Variants in STAP1 observed in about 807,000 individuals in gnomAD.
The protein encoded by STAP1 is signal-transducing adaptor protein 1.
In STAP1, 30 loss-of-function variants were observed where a neutral mutation model predicts 37.8. That is an observed-to-expected ratio of 0.79 (90% CI 0.59 to 1.08). The LOEUF is 1.08. Among genes scored for constraint, STAP1 ranks in the 50% least tolerant of loss-of-function variants. The probability of loss-of-function intolerance (pLI) is 0.00; values close to 1 mark genes in which losing one functional copy is unlikely to be tolerated. For synonymous variants in STAP1, 130 were observed against 116.0 expected (o/e 1.12, Z -0.78); for missense variants, 357 against 349.4 (o/e 1.02, Z -0.17).
Position 67,607,065 on chromosome 4 carries a change from CAAAAT to C in STAP1, c.*711_*715del, listed in dbSNP as rs1332371538. ...CAGCCCCAGACTGCATCTACTGAAT[CAAAAT>C]AACAGGGATATTTTTTCATAATTTT... On this transcript the variant is annotated 3_prime_UTR_variant, in exon 9 of 9. Transcript: ENST00000265404. The C allele has an allele frequency of 6.6e-6, 1 of 152,100 alleles. No homozygotes were observed. Among genetic ancestry groups the C allele is most frequent in the Non-Finnish European group, 1.5e-5 (1 of 68,010 alleles). 9.4% of individuals were successfully genotyped at this position (152,100 alleles called of 1,614,324 possible).
chr4:67,577,288 CTTT>C, intron 4 of STAP1, 29 bp downstream of exon 4: 2 of 1,256,150 alleles, frequency 1.6e-6, no homozygotes, highest in South Asian at 1.6e-5. Context: ...TTGATTGATT[CTTT>C]TTTTTTTTCA....
chr4:67,579,256 T>TG (rs1380581594), intron 4 of STAP1, among the ~76,000 whole-genome samples: 3 of 152,202 alleles, frequency 2.0e-5, no homozygotes, highest in Non-Finnish European at 2.9e-5. Context: ...ATTTACAGTA[T>TG]GTTGTTATTA....
At chr4:67,570,847 T>A (rs1429680111) in intron 1 of STAP1, among the ~76,000 whole-genome samples, 1 of 151,966 alleles carries the variant, frequency 6.6e-6, no homozygotes, top group Admixed American at 6.6e-5. Context: ...GGCAGAAGAA[T>A]TGCTTGAGCC....
intron 1 of STAP1, among the ~76,000 whole-genome samples, chr4:67,561,299 A>G (rs1727332615): frequency 1.3e-5 from 2 of 152,230 alleles, no homozygotes; most frequent in Admixed American, 1.3e-4. Flanking sequence ...AGCCAAAGGT[A>G]TATAGCCAAG....
chr4:67,569,825 G>T (rs1727559125), intron 1 of STAP1, among the ~76,000 whole-genome samples: 1 of 152,140 alleles, frequency 6.6e-6, no homozygotes, highest in Admixed American at 6.5e-5. Flanking sequence ...TGCCTCCTGG[G>T]TTCAGGTGAT....
chr4:67,602,942 A>G (rs537043472), intron 8 of STAP1, among the ~76,000 whole-genome samples: 1 of 152,110 alleles, frequency 6.6e-6, no homozygotes, highest in Admixed American at 6.5e-5. Flanking sequence ...TGGCTAATCC[A>G]GCCAAGCTTG....
At chr4:67,599,475 A>G (rs1320424394) in intron 8 of STAP1, among the ~76,000 whole-genome samples, 2 of 151,846 alleles carry the variant, frequency 1.3e-5, no homozygotes, top group Admixed American at 6.6e-5. Flanking sequence ...TTTCTTCTCA[A>G]TTTTCCAATT....
At chr4:67,573,628 T>C (rs2109859667) in intron 2 of STAP1, among the ~76,000 whole-genome samples, 1 of 152,284 alleles carries the variant, frequency 6.6e-6, no homozygotes, top group Admixed American at 6.5e-5. Flanking sequence ...ATTTTTAAAA[T>C]TGACATATAA....
chr4:67,561,544 T>A (rs1240410602), intron 1 of STAP1, among the ~76,000 whole-genome samples: 2 of 152,196 alleles, frequency 1.3e-5, no homozygotes, highest in Non-Finnish European at 2.9e-5. Flanking sequence ...CCATTTTGCA[T>A]GCAATTCTAG....
chr4:67,569,529 C>T (rs1727551284), intron 1 of STAP1, among the ~76,000 whole-genome samples: 1 of 152,072 alleles, frequency 6.6e-6, no homozygotes, highest in African/African-American at 2.4e-5. Context: ...AAAACAAAAA[C>T]ACATTGTACA....
chr4:67,570,985 T>C, intron 1 of STAP1, 99 bp from the exon 2 acceptor site: 1 of 938,700 alleles, frequency 1.1e-6, no homozygotes. Context: ...AGACTTCTTA[T>C]ATCACACAAG....
At chr4:67,598,665 C>T (rs28811588) in intron 8 of STAP1, among the ~76,000 whole-genome samples, 19,932 of 152,108 alleles carry the variant, frequency 0.13, 2,497 homozygotes, top group African/African-American at 0.33. Context: ...ACTCCTTATA[C>T]ATCTGGTTAT....
intron 4 of STAP1, among the ~76,000 whole-genome samples, chr4:67,579,715 A>G (rs1399540466): frequency 6.6e-6 from 1 of 152,112 alleles, no homozygotes; most frequent in African/African-American, 2.4e-5. Context: ...TTCACCCACT[A>G]ACATGAGAAA....
chr4:67,564,248 G>C (rs960542155), intron 1 of STAP1, among the ~76,000 whole-genome samples: 8 of 152,120 alleles, frequency 5.3e-5, no homozygotes, highest in Admixed American at 3.9e-4. Context: ...GGCTGCCTTT[G>C]CTTTCAACTT....
chr4:67,565,520 A>G (rs979597942), intron 1 of STAP1, among the ~76,000 whole-genome samples: 2 of 152,256 alleles, frequency 1.3e-5, no homozygotes, highest in African/African-American at 4.8e-5. Flanking sequence ...CTAATAAAAA[A>G]TGCAAAGTTC....
At chr4:67,576,986 T>C (rs761641387) in intron 3 of STAP1, among the ~76,000 whole-genome samples, 4 of 152,242 alleles carry the variant, frequency 2.6e-5, no homozygotes, top group Non-Finnish European at 5.9e-5. Context: ...AATTTGTACA[T>C]GTTCATTTGT....
At chr4:67,605,744 CTT>C (rs1432200653) in intron 8 of STAP1, among the ~76,000 whole-genome samples, 8 of 152,064 alleles carry the variant, frequency 5.3e-5, no homozygotes, top group Non-Finnish European at 8.8e-5. Flanking sequence ...TTTAAGAAAA[CTT>C]TGTGGAACCC....
chr4:67,567,368 T>TC (rs1553900663), intron 1 of STAP1, among the ~76,000 whole-genome samples: 2 of 141,930 alleles, frequency 1.4e-5, no homozygotes, highest in Admixed American at 6.9e-5. Flanking sequence ...AGTTCTCAAC[T>TC]GGGGGGAGGA....
chr4:67,594,206 G>A (rs1003276493), intron 8 of STAP1, among the ~76,000 whole-genome samples: 1 of 152,108 alleles, frequency 6.6e-6, no homozygotes, highest in African/African-American at 2.4e-5. Context: ...ACAGATTATG[G>A]GGGAAAGCAA....
Sources: gnomAD v4.1 joint callset for allele counts (sites outside exome capture counted in the v4.1 genomes callset) on GRCh38, gnomAD v4.1.1 for gene constraint, MANE v1.5 for transcripts, NCBI Gene and HGNC (gene_info 2026-07-23, HGNC 2026-07-21) for gene names.